SEC24D: variants seen among roughly 807,000 people sequenced by gnomAD.
SEC24D encodes protein transport protein Sec24D.
SEC24D carries 69 observed loss-of-function variants against 116.9 expected under a neutral mutation model. The observed-to-expected ratio is 0.59, with a 90% confidence interval of 0.49 to 0.72. SEC24D has a LOEUF of 0.72. Among genes scored for constraint, SEC24D ranks in the 30% least tolerant of loss-of-function variants. SEC24D has a pLI of 0.00. For missense variants in SEC24D, 1,131 were observed against 1,264.1 expected (o/e 0.89, Z 1.60); for synonymous variants, 405 against 442.8 (o/e 0.91, Z 1.07).
Position 118,734,028 on chromosome 4 carries a change from A to G in SEC24D, c.2497-1116T>C, listed in dbSNP as rs954508791. 2.0e-5 allele frequency among the ~76,000 whole-genome samples: 3 copies of G among 151,562 alleles called. No individual in the cohort carries two copies. The South Asian group carries it at 6.3e-4, about 32-fold the overall frequency. On this transcript the variant is annotated intron_variant, in intron 19 of 22. Transcript: ENST00000280551. ...TATTGTTTAACTTTCTCCTAAATCA[A>G]TATTGTTAGAATAGCTAATAATCAA...
intron 8 of SEC24D, among the ~76,000 whole-genome samples, chr4:118,789,045 T>C (rs1226375226): frequency 6.6e-6 from 1 of 152,228 alleles, no homozygotes; most frequent in African/African-American, 2.4e-5. Context: ...AGATAACTCA[T>C]AAGCTTCCAG....
chr4:118,829,252 T>C (rs1216607840), intron 2 of SEC24D, among the ~76,000 whole-genome samples: 1 of 152,138 alleles, frequency 6.6e-6, no homozygotes, highest in Non-Finnish European at 1.5e-5. Context: ...GTGGCTCATG[T>C]TTGTAATTTC....
rs891958566 is a variant in SEC24D at position 118,812,284 on chromosome 4, G to A, written c.801+2744C>T. Among the ~76,000 whole-genome samples the A allele has an allele frequency of 2.0e-5, 3 of 152,226 alleles. No homozygotes were observed. The East Asian group carries it at 5.8e-4, about 29-fold the overall frequency. On this transcript the variant is annotated intron_variant, in intron 6 of 22. Coordinates refer to ENST00000280551, the MANE Select transcript of SEC24D (RefSeq NM_014822.4). ...GAAATCTGTGAATATTACTGATATG[G>A]GAGGCGGGCAGGGAAGTGCTGGGTA...
intron 7 of SEC24D, among the ~76,000 whole-genome samples, chr4:118,804,040 G>A (rs922819867): frequency 6.6e-6 from 1 of 152,100 alleles, no homozygotes; most frequent in Admixed American, 6.6e-5. Flanking sequence ...TGAACAAGTG[G>A]AATTCTGATC....
rs138299127 is a variant in SEC24D at position 118,769,154 on chromosome 4, G to A, written c.1042-843C>T. Among the ~76,000 whole-genome samples the A allele has an allele frequency of 1.5e-3, 232 of 152,280 alleles. 2 individuals carry two copies. Among genetic ancestry groups the A allele is most frequent in the African/African-American group, 5.3e-3 (221 of 41,560 alleles). ...GTTCATTTATTTAGGCAAGGCGGTC[G>A]ATTCTACCTTTTCTGTTAGTTTATC... On this transcript the variant is annotated intron_variant, in intron 8 of 22. Transcript: ENST00000280551.
Position 118,833,985 on chromosome 4 carries a change from T to C in SEC24D, c.-41-248A>G, listed in dbSNP as rs114207133. The stretch of plus-strand genomic sequence containing the variant: ...ATTCTCAAGCATGAGACCTGAATAA[T>C]AACTCGCAACCACTTTTTTAATGGA... On this transcript the variant is annotated intron_variant, in intron 1 of 22. Transcript: ENST00000280551. Among the ~76,000 whole-genome samples, 6,656 of 152,284 alleles carry C rather than the reference T, an allele frequency of 0.044. 202 individuals are homozygous for C. Among genetic ancestry groups the C allele is most frequent in the Non-Finnish European group, 0.064 (4,328 of 68,016 alleles).
chr4:118,792,214 C>T (rs1171028056), intron 8 of SEC24D, among the ~76,000 whole-genome samples: 2 of 151,318 alleles, frequency 1.3e-5, no homozygotes, highest in Admixed American at 1.3e-4. Flanking sequence ...TCTGACCGGC[C>T]GCCCCGTCTG....
At chr4:118,770,448 C>T in intron 8 of SEC24D, among the ~76,000 whole-genome samples, 1 of 152,176 alleles carries the variant, frequency 6.6e-6, no homozygotes, top group South Asian at 2.1e-4. Flanking sequence ...AGTACAATTA[C>T]CAATCATGAC....
chr4:118,753,376 C>A lies in SEC24D; in HGVS notation c.1422-488G>T, dbSNP rs1428077855. The stretch of plus-strand genomic sequence containing the variant: ...CTCCTCTTCTCTGATTCTTTTCTTA[C>A]ATATCAGAGAATCTCAACAGAAAAT... On this transcript the variant is annotated intron_variant, in intron 11 of 22. Coordinates refer to ENST00000280551, the MANE Select transcript of SEC24D (RefSeq NM_014822.4). 2.0e-5 allele frequency among the ~76,000 whole-genome samples: 3 copies of A among 152,020 alleles called. No individual in the cohort carries two copies. The South Asian group carries it at 6.2e-4, about 32-fold the overall frequency.
At chr4:118,788,200 G>A (rs148311521) in intron 8 of SEC24D, among the ~76,000 whole-genome samples, 86 of 152,280 alleles carry the variant, frequency 5.6e-4, no homozygotes, top group African/African-American at 1.8e-3. Context: ...ACTTTGGGTT[G>A]GGTTGCGAAA....
chr4:118,756,130 G>T (rs911795506), intron 11 of SEC24D, among the ~76,000 whole-genome samples: 1 of 144,684 alleles, frequency 6.9e-6, no homozygotes, highest in South Asian at 2.2e-4. Context: ...AAGAGAGAAA[G>T]ACCATTTCCA....
chr4:118,809,659 TCATTCATC>T (rs1729822183), intron 6 of SEC24D, among the ~76,000 whole-genome samples: 1 of 151,634 alleles, frequency 6.6e-6, no homozygotes, highest in African/African-American at 2.4e-5. Context: ...GCCCATTCAT[TCATTCATC>T]CATTCAAGGA....
rs1166318675 is a variant in SEC24D, at chr4:118,755,663, A to G, written c.1421+2058T>C. 3.3e-5 allele frequency among the ~76,000 whole-genome samples: 5 copies of G among 152,270 alleles called. No homozygotes were observed. In the East Asian group the frequency reaches 9.6e-4, roughly 29 times the overall value. On this transcript the variant is annotated intron_variant, in intron 11 of 22. Coordinates refer to ENST00000280551, the MANE Select transcript of SEC24D (RefSeq NM_014822.4). ...TCAGCTAAGAGATTAACACACTCTC[A>G]GATGTTAATCAAGACTTCAGACTGT...
intron 15 of SEC24D, among the ~76,000 whole-genome samples, chr4:118,742,439 A>C (rs1190520801): frequency 1.3e-5 from 2 of 152,196 alleles, no homozygotes; most frequent in South Asian, 4.1e-4. Flanking sequence ...ATTGATTAGC[A>C]TGGTAGGCTT....
At chr4:118,731,606 T>G (rs1725689463) in intron 20 of SEC24D, 99 bp from the exon 21 acceptor site, 1 of 913,704 alleles carries the variant, frequency 1.1e-6, no homozygotes, top group Non-Finnish European at 1.7e-6. Flanking sequence ...CCTCCCTCAA[T>G]GCATAGTGAG....
At chr4:118,765,507 T>A (rs1223211768) in intron 9 of SEC24D, among the ~76,000 whole-genome samples, 1 of 152,184 alleles carries the variant, frequency 6.6e-6, no homozygotes, top group African/African-American at 2.4e-5. Flanking sequence ...CTGGCAAAGA[T>A]CTGGAAGTCA....
intron 8 of SEC24D, among the ~76,000 whole-genome samples, chr4:118,769,379 T>G (rs1262016268): frequency 6.6e-6 from 1 of 152,200 alleles, no homozygotes; most frequent in Admixed American, 6.5e-5. Flanking sequence ...ACCACAGAGA[T>G]ACTTGTTTTT....
At chr4:118,830,096 T>G (rs1339768105) in intron 2 of SEC24D, among the ~76,000 whole-genome samples, 1 of 152,224 alleles carries the variant, frequency 6.6e-6, no homozygotes, top group Non-Finnish European at 1.5e-5. Flanking sequence ...GCTGGAGTAA[T>G]TTAGTGAAAG....
chr4:118,792,743 A>G (rs532024272), intron 8 of SEC24D, among the ~76,000 whole-genome samples: 1 of 152,320 alleles, frequency 6.6e-6, no homozygotes, highest in Non-Finnish European at 1.5e-5. Context: ...ACCCAGGGAC[A>G]CAAAGACTGC....
Sources: gnomAD v4.1 joint callset for allele counts (sites outside exome capture counted in the v4.1 genomes callset) on GRCh38, gnomAD v4.1.1 for gene constraint, MANE v1.5 for transcripts, NCBI Gene and HGNC (gene_info 2026-07-23, HGNC 2026-07-21) for gene names.